Variants in FLACC1 observed in about 807,000 individuals in gnomAD.
FLACC1 encodes the protein flagellum associated containing coiled-coil domains 1.
Under a neutral mutation model 62.8 loss-of-function variants are expected in FLACC1, and 66 were observed. That is an observed-to-expected ratio of 1.05 (90% CI 0.86 to 1.29). The LOEUF (loss-of-function observed/expected upper bound fraction) is 1.29, where lower values mean the gene tolerates loss of function less well. FLACC1 is among the 50% of genes most tolerant of loss of function. FLACC1 has a pLI of 0.00. For missense variants in FLACC1, 452 were observed against 489.1 expected (o/e 0.92, Z 0.71); for synonymous variants, 156 against 161.0 (o/e 0.97, Z 0.24).
At chr2:201,362,759 T>C in the FLACC1 span, among the ~76,000 whole-genome samples, 1 of 152,220 alleles carries the variant, frequency 6.6e-6, no homozygotes, top group African/African-American at 2.4e-5. Context: ...GGTGCCATTT[T>C]TAATCCAGGC....
chr2:201,288,944 G>T (rs186031852), intron 14 of FLACC1, among the ~76,000 whole-genome samples, 163 bp from the exon 15 acceptor site: 1 of 152,144 alleles, frequency 6.6e-6, no homozygotes, highest in Non-Finnish European at 1.5e-5. Flanking sequence ...TGGTGTTCAG[G>T]TGACTAAAGT....
chr2:201,303,090 C>T (rs1950020593), intron 11 of FLACC1, among the ~76,000 whole-genome samples: 2 of 139,764 alleles, frequency 1.4e-5, no homozygotes, highest in Admixed American at 1.4e-4. Context: ...CAGAGCAGAA[C>T]TGAAGGAGAT....
intron 9 of FLACC1, among the ~76,000 whole-genome samples, chr2:201,323,809 G>GAAAAAAAAAAAAAAAAAAAAAAAAT (rs1950452542): frequency 2.6e-5 from 2 of 77,372 alleles, no homozygotes; most frequent in Non-Finnish European, 5.6e-5. Flanking sequence ...AAAAAGTAAG[G>GAAAAAAAAAAAAAAAAAAAAAAAAT]AAGGAAGGAA....
At chr2:201,314,165 C>T (rs903523194) in intron 9 of FLACC1, among the ~76,000 whole-genome samples, 1 of 152,088 alleles carries the variant, frequency 6.6e-6, no homozygotes, top group Non-Finnish European at 1.5e-5. Flanking sequence ...TCTTTAACAT[C>T]CCCCACAAAA....
intron 12 of FLACC1, among the ~76,000 whole-genome samples, chr2:201,296,428 C>T (rs1472615889): frequency 1.4e-5 from 2 of 147,810 alleles, no homozygotes; most frequent in Non-Finnish European, 3.0e-5. Context: ...AACCAAACAC[C>T]ACATGTTCTT....
chr2:201,329,885 TAA>T (rs953906664), intron 9 of FLACC1, among the ~76,000 whole-genome samples: 25 of 152,220 alleles, frequency 1.6e-4, no homozygotes, highest in African/African-American at 5.3e-4. Flanking sequence ...TGACTTTTTT[TAA>T]AGTTCATTCC....
At chr2:201,353,225 A>T (rs1400002535) in intron 1 of FLACC1, among the ~76,000 whole-genome samples, 1 of 152,226 alleles carries the variant, frequency 6.6e-6, no homozygotes, top group African/African-American at 2.4e-5. Context: ...AAACATAATC[A>T]TAGTATGGCA....
At chr2:201,291,637 A>G (rs1048713048) in intron 12 of FLACC1, among the ~76,000 whole-genome samples, 1 of 152,242 alleles carries the variant, frequency 6.6e-6, no homozygotes, top group Admixed American at 6.5e-5. Context: ...CTCCAAAGGA[A>G]TGCAGCTCCT....
chr2:201,337,046 C>T (rs976075688), intron 7 of FLACC1, among the ~76,000 whole-genome samples: 2 of 152,104 alleles, frequency 1.3e-5, no homozygotes, highest in African/African-American at 2.4e-5. Flanking sequence ...AGTCCTCTGT[C>T]AAATGAGTAG....
At chr2:201,318,892 A>G (rs1305812244) in intron 9 of FLACC1, among the ~76,000 whole-genome samples, 1 of 152,206 alleles carries the variant, frequency 6.6e-6, no homozygotes, top group East Asian at 1.9e-4. Flanking sequence ...AAGCTAAGCT[A>G]TGAGGATGCA....
intron 1 of FLACC1, among the ~76,000 whole-genome samples, chr2:201,356,662 G>A (rs1951123090): frequency 6.6e-6 from 1 of 152,194 alleles, no homozygotes; most frequent in Non-Finnish European, 1.5e-5. Flanking sequence ...ATAAGTGAGA[G>A]CATACTTTGC....
rs1951021820 is a variant in FLACC1 at position 201,351,273 on chromosome 2, C to T, written c.113+19G>A. ...GATCCCAAGGTCCCTGTGCCTACCC[C>T]ATCCCAGATAATTCTTACTTGGAAC... On this transcript the variant is annotated intron_variant, in intron 2 of 14. Transcript: ENST00000392257. 1.3e-6 allele frequency: 2 copies of T among 1,572,666 alleles called. No homozygotes were observed. The highest frequency in any genetic ancestry group is 4.5e-5 in the East Asian group (2 of 44,676).
At chr2:201,320,928 G>T (rs1401020567) in intron 9 of FLACC1, among the ~76,000 whole-genome samples, 1 of 152,162 alleles carries the variant, frequency 6.6e-6, no homozygotes, top group Non-Finnish European at 1.5e-5. Flanking sequence ...AACCAACACA[G>T]TCCATTACAG....
At chr2:201,299,897 C>G (rs1559387654) in intron 11 of FLACC1, among the ~76,000 whole-genome samples, 1 of 152,214 alleles carries the variant, frequency 6.6e-6, no homozygotes, top group Non-Finnish European at 1.5e-5. Flanking sequence ...CTATGAAGAA[C>G]TACCTGAGAG....
Position 201,298,182 on chromosome 2 carries a change from G to A in FLACC1, c.942+1056C>T, listed in dbSNP as rs114902443. Among the ~76,000 whole-genome samples the A allele has an allele frequency of 7.5e-3, 1,140 of 152,220 alleles. 6 individuals are homozygous for A. Among genetic ancestry groups the A allele is most frequent in the Middle Eastern group, 0.01 (3 of 294 alleles). ...GTAGAAAATCCTTCTCATACAGAGGGTGTGGTGTCAAGTACTCAGAGGGTA... is the reference window on the plus strand; with the variant it reads ...GTAGAAAATCCTTCTCATACAGAGGATGTGGTGTCAAGTACTCAGAGGGTA... On this transcript the variant is annotated intron_variant, in intron 12 of 14. Transcript: ENST00000392257.
intron 12 of FLACC1, 117 bp from the exon 13 acceptor site, chr2:201,289,902 A>C: frequency 6.4e-7 from 1 of 1,567,152 alleles, no homozygotes; most frequent in Non-Finnish European, 8.7e-7. Context: ...TGCATCACTC[A>C]TGGCCACTCA....
chr2:201,331,377 TC>T (rs1950592112), intron 7 of FLACC1, among the ~76,000 whole-genome samples: 1 of 152,072 alleles, frequency 6.6e-6, no homozygotes, highest in Non-Finnish European at 1.5e-5. Context: ...GACCACAGAT[TC>T]CCCTCTAATA....
At chr2:201,347,688 A>T (rs944317590) in intron 4 of FLACC1, among the ~76,000 whole-genome samples, 1 of 152,138 alleles carries the variant, frequency 6.6e-6, no homozygotes, top group Non-Finnish European at 1.5e-5. Flanking sequence ...AAAACAGTAA[A>T]ATGTACCGAT....
intron 11 of FLACC1, among the ~76,000 whole-genome samples, chr2:201,305,805 A>G (rs547741950): frequency 1.3e-5 from 2 of 152,306 alleles, no homozygotes; most frequent in Admixed American, 6.5e-5. Flanking sequence ...GAAGTTGGAA[A>G]CCAACATTCT....
Sources: allele counts gnomAD v4.1 joint callset (sites outside exome capture counted in the v4.1 genomes callset), GRCh38; gene constraint gnomAD v4.1.1; transcripts MANE v1.5; gene names NCBI Gene and HGNC (gene_info 2026-07-23, HGNC 2026-07-21).